The following DOK6 variants were observed in gnomAD, a reference collection of about 807,000 sequenced individuals.
DOK6 encodes the protein downstream of tyrosine kinase 6.
In DOK6, 22 loss-of-function variants were observed where a neutral mutation model predicts 44.0. The observed-to-expected ratio is 0.50, with a 90% CI of 0.36 to 0.71. The LOEUF is 0.71. DOK6 is among the 30% of genes least tolerant of loss of function. The pLI is 0.00. For synonymous variants in DOK6, 166 were observed against 145.5 expected (o/e 1.14, Z -1.01); for missense variants, 340 against 416.4 (o/e 0.82, Z 1.60).
chr18:69,798,009 TA>T (rs1200236365), intron 7 of DOK6, among the ~76,000 whole-genome samples: 3 of 152,130 alleles, frequency 2.0e-5, no homozygotes, highest in Non-Finnish European at 4.4e-5. Context: ...TATCTGCTAC[TA>T]ATTTTCAGGA....
At chr18:69,699,652 A>G (rs750869789) in intron 5 of DOK6, among the ~76,000 whole-genome samples, 24 of 152,212 alleles carry the variant, frequency 1.6e-4, no homozygotes, top group Non-Finnish European at 2.8e-4. Context: ...TGAGAGTGCA[A>G]TAGTGTAATC....
At chr18:69,817,610 G>C (rs1981439268) in intron 7 of DOK6, among the ~76,000 whole-genome samples, 1 of 152,050 alleles carries the variant, frequency 6.6e-6, no homozygotes. Context: ...CTCTTTCTCT[G>C]CTTCTTATAA....
At chr18:69,726,852 TA>T (rs35924499) in intron 5 of DOK6, among the ~76,000 whole-genome samples, 9,762 of 131,700 alleles carry the variant, frequency 0.074, 395 homozygotes, top group African/African-American at 0.13. Context: ...TGATCCTTTT[TA>T]AAAAAAAAAA....
At chr18:69,479,098 A>G (rs751486356) in intron 1 of DOK6, among the ~76,000 whole-genome samples, 1 of 150,268 alleles carries the variant, frequency 6.7e-6, no homozygotes, top group Non-Finnish European at 1.5e-5. Flanking sequence ...GGAAGCATGT[A>G]ACTAAGAGAT....
chr18:69,447,015 T>C (rs974028946), intron 1 of DOK6, among the ~76,000 whole-genome samples: 1 of 152,238 alleles, frequency 6.6e-6, no homozygotes, highest in Non-Finnish European at 1.5e-5. Context: ...GCCTGTTCAC[T>C]CTGATGGTAG....
intron 4 of DOK6, among the ~76,000 whole-genome samples, chr18:69,678,417 G>A (rs2144686464): frequency 6.6e-6 from 1 of 152,246 alleles, no homozygotes; most frequent in South Asian, 2.1e-4. Flanking sequence ...TCTTCAGAAG[G>A]CTTTTGAATG....
chr18:69,796,900 G>A (rs1369198423), intron 7 of DOK6, among the ~76,000 whole-genome samples: 1 of 152,146 alleles, frequency 6.6e-6, no homozygotes, highest in Non-Finnish European at 1.5e-5. Context: ...GTAAAGTTTA[G>A]ATGAAATAAA....
chr18:69,710,846 A>T (rs1341396140), intron 5 of DOK6, among the ~76,000 whole-genome samples: 1 of 152,226 alleles, frequency 6.6e-6, no homozygotes, highest in East Asian at 1.9e-4. Context: ...GTTGACTTAG[A>T]TGAAATAGGT....
chr18:69,714,103 C>A lies in DOK6; in HGVS notation c.599+15510C>A, dbSNP rs536259803. On this transcript the variant is annotated intron_variant, in intron 5 of 7. Coordinates refer to ENST00000382713, the MANE Select transcript of DOK6 (RefSeq NM_152721.6). ...GGTGAGAAAACTCCTGGTAAATAGA[C>A]TACTGATCTTTACCAAAAAGAGACT... 3.0e-4 allele frequency among the ~76,000 whole-genome samples: 45 copies of A among 152,316 alleles called. 1 individual carries two copies. In the South Asian group the frequency reaches 9.3e-3, roughly 32 times the overall value.
chr18:69,827,677 T>G (rs1227615901), intron 7 of DOK6, among the ~76,000 whole-genome samples: 1 of 152,032 alleles, frequency 6.6e-6, no homozygotes, highest in Non-Finnish European at 1.5e-5. Context: ...CTACATTATA[T>G]GAATGCCAGA....
chr18:69,704,680 C>T (rs1220416512), intron 5 of DOK6, among the ~76,000 whole-genome samples: 1 of 152,022 alleles, frequency 6.6e-6, no homozygotes, highest in Non-Finnish European at 1.5e-5. Flanking sequence ...GGGGTTTCAC[C>T]GTGTTAGCCA....
chr18:69,457,881 C>T (rs60435257), intron 1 of DOK6, among the ~76,000 whole-genome samples: 1,679 of 152,228 alleles, frequency 0.011, 37 homozygotes, highest in African/African-American at 0.039. Context: ...TGGTGGCTCA[C>T]GCCTGTAATC....
chr18:69,788,966 A>T (rs1278955839), intron 7 of DOK6, among the ~76,000 whole-genome samples: 2 of 152,216 alleles, frequency 1.3e-5, no homozygotes, highest in Non-Finnish European at 2.9e-5. Context: ...AACTCGTCTT[A>T]ACAAGGTTGG....
At chr18:69,593,349 G>T (rs1465854708) in intron 2 of DOK6, among the ~76,000 whole-genome samples, 1 of 151,566 alleles carries the variant, frequency 6.6e-6, no homozygotes, top group African/African-American at 2.4e-5. Context: ...GCCAGCCTGG[G>T]CCACAGAACA....
intron 3 of DOK6, among the ~76,000 whole-genome samples, chr18:69,673,964 C>T (rs1487184196): frequency 1.3e-5 from 2 of 152,010 alleles, no homozygotes; most frequent in African/African-American, 2.4e-5. Flanking sequence ...CAAAGGCACT[C>T]GGTCTATGGG....
At chr18:69,662,351 C>T (rs1470557303) in intron 3 of DOK6, 2 of 152,210 alleles carry the variant, frequency 1.3e-5, no homozygotes, top group African/African-American at 2.4e-5. Context: ...GAGGCTTTCA[C>T]ACTTTACTCA....
At chr18:69,759,664 G>A in intron 7 of DOK6, among the ~76,000 whole-genome samples, 1 of 152,162 alleles carries the variant, frequency 6.6e-6, no homozygotes, top group Admixed American at 6.6e-5. Context: ...AAAATGCACT[G>A]GAATATCCTA....
At chr18:69,537,760 G>A (rs931188784) in intron 1 of DOK6, among the ~76,000 whole-genome samples, 1 of 152,090 alleles carries the variant, frequency 6.6e-6, no homozygotes, top group Non-Finnish European at 1.5e-5. Context: ...ATCATCAATA[G>A]GTACCTGGCC....
chr18:69,800,992 A>AT (rs1467100176), intron 7 of DOK6, among the ~76,000 whole-genome samples: 5 of 152,130 alleles, frequency 3.3e-5, no homozygotes, highest in African/African-American at 1.2e-4. Flanking sequence ...GATAAAATGA[A>AT]TTTTTTTATT....
Sources: gnomAD v4.1 joint callset for allele counts (sites outside exome capture counted in the v4.1 genomes callset) on GRCh38, gnomAD v4.1.1 for gene constraint, MANE v1.5 for transcripts, NCBI Gene and HGNC (gene_info 2026-07-23, HGNC 2026-07-21) for gene names.